Variants in TPD52 observed in about 807,000 individuals in gnomAD.
TPD52 encodes prostate and colon associated protein.
In TPD52, 17 loss-of-function variants were observed where a neutral mutation model predicts 31.3. The ratio of observed to expected loss-of-function variants is 0.54; its 90% CI spans 0.37 to 0.82. TPD52 has a LOEUF of 0.82. Ranked by LOEUF, TPD52 falls within the 40% of genes least tolerant of loss-of-function variation. The pLI is 0.00. For missense variants in TPD52, 212 were observed against 240.1 expected, an observed-to-expected ratio of 0.88 and a Z score of 0.77; for synonymous variants, 83 against 89.6, an observed-to-expected ratio of 0.93 and a Z score of 0.42.
chr8:80,103,325 A>G (rs1806878022), intron 1 of TPD52, among the ~76,000 whole-genome samples: 1 of 152,204 alleles, frequency 6.6e-6, no homozygotes, highest in African/African-American at 2.4e-5. Flanking sequence ...ATCACCAACT[A>G]ACCTCTAACT....
intron 1 of TPD52, among the ~76,000 whole-genome samples, chr8:80,096,357 C>A (rs1476128859): frequency 6.6e-6 from 1 of 151,776 alleles, no homozygotes; most frequent in Non-Finnish European, 1.5e-5. Context: ...TACTCAAGCA[C>A]CAAAACTCAT....
intron 2 of TPD52, among the ~76,000 whole-genome samples, chr8:80,063,113 A>G (rs1293367122): frequency 6.6e-6 from 1 of 152,256 alleles, no homozygotes; most frequent in East Asian, 1.9e-4. Context: ...TTCCTAACTC[A>G]CTACCCACCA....
intron 1 of TPD52, among the ~76,000 whole-genome samples, chr8:80,141,781 G>A (rs981198735): frequency 4.6e-5 from 7 of 152,010 alleles, no homozygotes; most frequent in African/African-American, 7.3e-5. Flanking sequence ...ATGGTGGTGC[G>A]GGCCTGTTGT....
intron 5 of TPD52, among the ~76,000 whole-genome samples, chr8:80,045,190 A>C (rs879562136): frequency 6.6e-6 from 1 of 152,210 alleles, no homozygotes; most frequent in Non-Finnish European, 1.5e-5. Flanking sequence ...AGAGTATAAT[A>C]ATCTATTCTG....
chr8:80,046,588 G>A (rs988904589), intron 5 of TPD52, among the ~76,000 whole-genome samples: 3 of 152,024 alleles, frequency 2.0e-5, no homozygotes, highest in Admixed American at 6.5e-5. Context: ...ATGTTGCTAC[G>A]GGACCAGAAT....
chr8:80,104,727 G>A (rs973923929), intron 1 of TPD52, among the ~76,000 whole-genome samples: 1 of 149,076 alleles, frequency 6.7e-6, no homozygotes, highest in African/African-American at 2.5e-5. Context: ...AGTATTTATA[G>A]TTAGGTTCTC....
chr8:80,042,440 A>T (rs960603226), intron 7 of TPD52, 180 bp downstream of exon 7: 2 of 985,378 alleles, frequency 2.0e-6, no homozygotes, highest in African/African-American at 3.5e-5. Flanking sequence ...TACAGCATAC[A>T]CTAAAAAGAT....
At chr8:80,143,805 A>G (rs1810004726) in intron 1 of TPD52, among the ~76,000 whole-genome samples, 1 of 152,232 alleles carries the variant, frequency 6.6e-6, no homozygotes, top group Non-Finnish European at 1.5e-5. Context: ...GAAGCTAAAC[A>G]TTTATTAAGA....
chr8:80,055,021 T>C (rs1811731585), intron 2 of TPD52, among the ~76,000 whole-genome samples: 1 of 152,212 alleles, frequency 6.6e-6, no homozygotes, highest in Non-Finnish European at 1.5e-5. Context: ...AGAATTCCTA[T>C]CTAGGTTTTC....
chr8:80,080,603 C>T, intron 1 of TPD52: 1 of 1,382,182 alleles, frequency 7.2e-7, no homozygotes, highest in Non-Finnish European at 9.3e-7. Context: ...GGCCCAGGTG[C>T]CAGCATTTCC....
chr8:80,153,599 G>A (rs1810731663), intron 1 of TPD52, among the ~76,000 whole-genome samples: 2 of 152,196 alleles, frequency 1.3e-5, no homozygotes, highest in African/African-American at 2.4e-5. Context: ...TCCAACATTT[G>A]AGACTTGGTA....
intron 5 of TPD52, among the ~76,000 whole-genome samples, chr8:80,048,974 C>T (rs1811119235): frequency 6.6e-6 from 1 of 152,122 alleles, no homozygotes; most frequent in African/African-American, 2.4e-5. Flanking sequence ...AGTTGCAAAA[C>T]ATAATTTGTT....
At chr8:80,128,895 A>C (rs1808823355) in intron 1 of TPD52, among the ~76,000 whole-genome samples, 2 of 151,010 alleles carry the variant, frequency 1.3e-5, no homozygotes, top group Admixed American at 1.3e-4. Context: ...TTTTTTTTTC[A>C]GGAAGAAATG....
At chr8:80,082,009 T>C (rs1042871219) in intron 1 of TPD52, among the ~76,000 whole-genome samples, 1 of 152,170 alleles carries the variant, frequency 6.6e-6, no homozygotes, top group African/African-American at 2.4e-5. Context: ...GGTTTCGCCA[T>C]GTTGGCCAGG....
At chr8:80,041,197 C>G (rs987809168) in intron 7 of TPD52, among the ~76,000 whole-genome samples, 3 of 152,088 alleles carry the variant, frequency 2.0e-5, no homozygotes, top group African/African-American at 7.2e-5. Flanking sequence ...ATGTAGATGA[C>G]AGGTTGATGG....
At chr8:80,108,267 G>A (rs1231803616) in intron 1 of TPD52, among the ~76,000 whole-genome samples, 1 of 152,126 alleles carries the variant, frequency 6.6e-6, no homozygotes, top group East Asian at 1.9e-4. Context: ...CATTTTTCAT[G>A]AGCAATTCAA....
At chr8:80,032,116 G>A (rs1306997139), downstream of TPD52, among the ~76,000 whole-genome samples, 1 of 133,608 alleles carries the variant, frequency 7.5e-6, no homozygotes, top group Non-Finnish European at 1.5e-5. Flanking sequence ...TCACACCACT[G>A]TTCTCCAGCC....
At position 80,044,204 on chromosome 8, in the gene TPD52, G is replaced by A. The variant is rs778829541; in HGVS notation, c.418C>T (p.Arg140Cys). ...ATGCTAATTGAATGCTGAATGGAAC[G>A]TATACTAAGAGGCAGCATTAAAAAG... is the stretch of plus-strand genomic sequence containing the variant. The part of the protein sequence containing the change: ...LQAFSHSFSI[R>C]SIQHSISMPA... Residue 140 changes from arginine to cysteine, a missense_variant, in exon 6 of 8, where the codon CGT (arginine) becomes TGT (cysteine). By Grantham distance (180) the Arg-to-Cys change is radical. Transcript: ENST00000518937. The A allele has an allele frequency of 1.1e-5, 17 of 1,580,038 alleles. No homozygotes were observed. The highest frequency in any genetic ancestry group is 1.1e-4 in the South Asian group (9 of 84,980).
chr8:80,126,250 GA>G (rs1280142751), intron 1 of TPD52, among the ~76,000 whole-genome samples: 4 of 152,038 alleles, frequency 2.6e-5, no homozygotes, highest in African/African-American at 9.7e-5. Flanking sequence ...AAGCAAGGGG[GA>G]AAATGTATTA....
Sources: allele counts gnomAD v4.1 joint callset (sites outside exome capture counted in the v4.1 genomes callset), GRCh38; gene constraint gnomAD v4.1.1; transcripts MANE v1.5; gene names NCBI Gene and HGNC (gene_info 2026-07-23, HGNC 2026-07-21).